Variants in B3GAT2 observed in about 807,000 individuals in gnomAD.
B3GAT2 encodes the protein galactosylgalactosylxylosylprotein 3-beta-glucuronosyltransferase 2.
B3GAT2 carries 26 observed loss-of-function variants against 27.8 expected under a neutral mutation model. The observed-to-expected ratio is 0.93, with a 90% CI of 0.68 to 1.30. The LOEUF (loss-of-function observed/expected upper bound fraction) is 1.30, where lower values mean the gene tolerates loss of function less well. Among genes scored for constraint, B3GAT2 ranks in the 50% most tolerant of loss-of-function variants. B3GAT2 has a pLI of 0.00. For missense variants in B3GAT2, 458 were observed against 459.0 expected (o/e 1.00, Z 0.02); for synonymous variants, 218 against 195.1 (o/e 1.12, Z -0.98).
chr6:70,867,334 AACGAC>A (rs1231224040), intron 2 of B3GAT2, among the ~76,000 whole-genome samples: 1 of 152,142 alleles, frequency 6.6e-6, no homozygotes, highest in Non-Finnish European at 1.5e-5. Flanking sequence ...TGAGAGCAGA[AACGAC>A]TAAAGTAGAA....
At chr6:70,939,678 T>C (rs1423387185) in intron 1 of B3GAT2, among the ~76,000 whole-genome samples, 7 of 145,930 alleles carry the variant, frequency 4.8e-5, no homozygotes, top group Non-Finnish European at 7.4e-5. Context: ...TTCTCACTCA[T>C]AGATGGGAAT....
At chr6:70,933,240 T>C (rs1157655604) in intron 1 of B3GAT2, among the ~76,000 whole-genome samples, 1 of 152,156 alleles carries the variant, frequency 6.6e-6, no homozygotes, top group Non-Finnish European at 1.5e-5. Context: ...ACTGTCAACC[T>C]ACCCTCTTAA....
intron 1 of B3GAT2, among the ~76,000 whole-genome samples, chr6:70,943,649 C>G (rs552691472): frequency 3.9e-5 from 6 of 152,028 alleles, no homozygotes; most frequent in African/African-American, 1.5e-4. Context: ...CACAAGAATA[C>G]GTAGTTTAAA....
chr6:70,868,161 A>C (rs934054842), intron 2 of B3GAT2, among the ~76,000 whole-genome samples: 1 of 152,230 alleles, frequency 6.6e-6, no homozygotes, highest in Non-Finnish European at 1.5e-5. Context: ...AACTTTCTCA[A>C]CTTAATAAGG....
At chr6:70,925,299 T>C (rs1772935452) in intron 1 of B3GAT2, among the ~76,000 whole-genome samples, 1 of 152,206 alleles carries the variant, frequency 6.6e-6, no homozygotes, top group South Asian at 2.1e-4. Context: ...CTGGGACTTG[T>C]TGGACAGTGG....
intron 2 of B3GAT2, among the ~76,000 whole-genome samples, chr6:70,887,379 C>T (rs542361): frequency 1.3e-5 from 2 of 152,180 alleles, no homozygotes; most frequent in African/African-American, 4.8e-5. Flanking sequence ...CAGAAAGCAG[C>T]CTTCAGCAAC....
chr6:70,948,530 T>C (rs1047957548), intron 1 of B3GAT2, among the ~76,000 whole-genome samples: 1 of 151,744 alleles, frequency 6.6e-6, no homozygotes, highest in African/African-American at 2.4e-5. Context: ...ACAAGGGACG[T>C]GAAGGACCTC....
In B3GAT2 at chr6:70,860,759, A is replaced by AAATAG. The variant is rs1771684806; in HGVS notation, c.*899_*903dup. On this transcript the variant is annotated 3_prime_UTR_variant, in exon 4 of 4. Transcript: ENST00000230053. ...TGTATGATCAAATGTTTAATCATAT[A>AAATAG]AATAGAATGTAAATGTCTCACTGAG... 1 of 399,818 alleles carries AAATAG rather than the reference A, an allele frequency of 2.5e-6. No homozygotes were observed. Among genetic ancestry groups the AAATAG allele is most frequent in the Admixed American group, 4.3e-5 (1 of 22,998 alleles). 24.8% of individuals were successfully genotyped at this position (399,818 alleles called of 1,614,324 possible).
At chr6:70,950,851 C>T (rs1452392031) in intron 1 of B3GAT2, among the ~76,000 whole-genome samples, 1 of 152,118 alleles carries the variant, frequency 6.6e-6, no homozygotes, top group African/African-American at 2.4e-5. Flanking sequence ...ATAGTAAATG[C>T]TCAATTTATG....
Position 70,956,693 on chromosome 6 carries a change from G to A in B3GAT2, c.-264C>T. On this transcript the variant is annotated 5_prime_UTR_variant, in exon 1 of 4. Transcript: ENST00000230053. ...CCGACTCCAGGTGAGCTGGCGGGAA[G>A]CGGGACTCGGTCCAGCCGCGCGCCG... is the stretch of plus-strand genomic sequence containing the variant. The A allele has an allele frequency of 4.4e-6, 6 of 1,374,648 alleles. No homozygotes were observed. Among genetic ancestry groups the A allele is most frequent in the South Asian group, 3.1e-5 (2 of 64,938 alleles). 85.2% of individuals were successfully genotyped at this position (1,374,648 alleles called of 1,614,324 possible). A position where few individuals can be genotyped will look rare whatever the true frequency, so the allele number is the denominator to read the frequency against.
intron 2 of B3GAT2, among the ~76,000 whole-genome samples, chr6:70,882,361 CAT>C (rs1772113277): frequency 6.6e-6 from 1 of 151,986 alleles, no homozygotes; most frequent in African/African-American, 2.4e-5. Flanking sequence ...ATTAGCTGGG[CAT>C]GGTGGCGGGT....
intron 2 of B3GAT2, among the ~76,000 whole-genome samples, chr6:70,877,399 TC>T (rs1470384782): frequency 2.6e-5 from 4 of 152,162 alleles, no homozygotes; most frequent in Admixed American, 6.6e-5. Flanking sequence ...CAGGCAGTTT[TC>T]CCCCGACCCT....
chr6:70,935,502 T>C (rs1347958653), intron 1 of B3GAT2, among the ~76,000 whole-genome samples: 1 of 150,708 alleles, frequency 6.6e-6, no homozygotes, highest in East Asian at 1.9e-4. Context: ...CCAAATGTCA[T>C]TGAAAAGTAT....
intron 2 of B3GAT2, among the ~76,000 whole-genome samples, chr6:70,874,038 A>G (rs1053873260): frequency 1.3e-5 from 2 of 152,166 alleles, no homozygotes; most frequent in African/African-American, 2.4e-5. Flanking sequence ...TACCTACCAA[A>G]TATAATGTCC....
At chr6:70,893,567 G>A (rs1237041593) in intron 2 of B3GAT2, among the ~76,000 whole-genome samples, 1 of 152,028 alleles carries the variant, frequency 6.6e-6, no homozygotes, top group Non-Finnish European at 1.5e-5. Flanking sequence ...TCAGTTGGTT[G>A]TTCAGGGAAT....
chr6:70,915,675 T>A (rs915275170), intron 1 of B3GAT2, among the ~76,000 whole-genome samples: 3 of 151,224 alleles, frequency 2.0e-5, no homozygotes, highest in Admixed American at 6.6e-5. Flanking sequence ...CCTTTCCCGA[T>A]TTGTTTTTGT....
chr6:70,953,477 A>AT (rs1765605631), intron 1 of B3GAT2, among the ~76,000 whole-genome samples: 1 of 152,238 alleles, frequency 6.6e-6, no homozygotes, highest in Non-Finnish European at 1.5e-5. Flanking sequence ...ATGTATCAGC[A>AT]TACATATATG....
intron 1 of B3GAT2, among the ~76,000 whole-genome samples, chr6:70,936,823 C>T (rs1007844644): frequency 1.3e-5 from 2 of 152,002 alleles, no homozygotes; most frequent in African/African-American, 4.8e-5. Context: ...AATTGACACC[C>T]TAACATCACA....
intron 1 of B3GAT2, among the ~76,000 whole-genome samples, chr6:70,954,916 G>GGT (rs1554218593): frequency 1.4e-5 from 1 of 73,966 alleles, no homozygotes; most frequent in Admixed American, 1.6e-4. Flanking sequence ...CGGGGGCGGC[G>GGT]GGGGGGGGCG....
Sources: gnomAD v4.1 joint callset for allele counts (sites outside exome capture counted in the v4.1 genomes callset) on GRCh38, gnomAD v4.1.1 for gene constraint, MANE v1.5 for transcripts, NCBI Gene and HGNC (gene_info 2026-07-23, HGNC 2026-07-21) for gene names.